The following SHANK2 variants were observed in gnomAD, a reference collection of about 807,000 sequenced individuals.
SHANK2 encodes the protein SH3 and multiple ankyrin repeat domains 2.
SHANK2 carries 43 observed loss-of-function variants against 133.7 expected under a neutral mutation model. That is an observed-to-expected ratio of 0.32 (90% CI 0.25 to 0.41). The LOEUF (loss-of-function observed/expected upper bound fraction) is 0.41, where lower values mean the gene tolerates loss of function less well. Among genes scored for constraint, SHANK2 ranks in the 10% least tolerant of loss-of-function variants. The probability of loss-of-function intolerance (pLI) is 1.00; values close to 1 mark genes in which losing one functional copy is unlikely to be tolerated. For missense variants in SHANK2, 1,994 were observed against 2,235.8 expected (o/e 0.89, Z 2.18); for synonymous variants, 1,017 against 952.8 (o/e 1.07, Z -1.24).
chr11:70,515,792 A>T (rs1322770150), intron 17 of SHANK2, among the ~76,000 whole-genome samples: 1 of 152,192 alleles, frequency 6.6e-6, no homozygotes, highest in African/African-American at 2.4e-5. Flanking sequence ...AGCCTGGGCA[A>T]CAGAGCGAGA....
chr11:71,145,080 G>A (rs1425315228), intron 3 of SHANK2, among the ~76,000 whole-genome samples: 1 of 152,142 alleles, frequency 6.6e-6, no homozygotes, highest in Non-Finnish European at 1.5e-5. Flanking sequence ...ATAGGAGAAG[G>A]AACTCCAAAA....
At chr11:70,610,758 G>C (rs1055028986) in intron 17 of SHANK2, among the ~76,000 whole-genome samples, 1 of 152,230 alleles carries the variant, frequency 6.6e-6, no homozygotes, top group African/African-American at 2.4e-5. Flanking sequence ...AGGAAAACCA[G>C]GCACCCCTGC....
intron 3 of SHANK2, among the ~76,000 whole-genome samples, chr11:71,123,273 T>C (rs1952112915): frequency 6.6e-6 from 1 of 151,964 alleles, no homozygotes; most frequent in Admixed American, 6.5e-5. Context: ...ACAAAGACAA[T>C]AAATAAGAAG....
chr11:70,669,701 T>G (rs1435062206), intron 15 of SHANK2: 4 of 152,580 alleles, frequency 2.6e-5, no homozygotes. Flanking sequence ...GTGCGGTTAA[T>G]CTCTGTTGAA....
At chr11:70,846,530 A>G (rs904792794) in intron 11 of SHANK2, among the ~76,000 whole-genome samples, 15 of 152,148 alleles carry the variant, frequency 9.9e-5, no homozygotes, top group Non-Finnish European at 5.9e-5. Context: ...CACTGGGATT[A>G]TAGACATGAG....
At chr11:71,214,316 A>T (rs1415084395) in intron 2 of SHANK2, among the ~76,000 whole-genome samples, 3 of 152,200 alleles carry the variant, frequency 2.0e-5, no homozygotes, top group Non-Finnish European at 4.4e-5. Flanking sequence ...AGCAAGGAAG[A>T]CAGTTTCCAC....
chr11:70,795,247 T>TAG (rs1947881153), intron 14 of SHANK2, among the ~76,000 whole-genome samples: 1 of 152,118 alleles, frequency 6.6e-6, no homozygotes. Flanking sequence ...GCCCAGGTCC[T>TAG]AATCCCTAGA....
intron 10 of SHANK2, among the ~76,000 whole-genome samples, chr11:70,906,290 G>A (rs1235715972): frequency 2.6e-5 from 4 of 152,218 alleles, no homozygotes; most frequent in Admixed American, 1.3e-4. Context: ...GCCATGGAGC[G>A]GGACTGTCGC....
chr11:70,557,149 C>CTCATTCAT (rs56238037), intron 17 of SHANK2, among the ~76,000 whole-genome samples: 1 of 150,794 alleles, frequency 6.6e-6, no homozygotes, highest in African/African-American at 2.4e-5. Context: ...CACTAAAAGC[C>CTCATTCAT]TCATTCATTC....
intron 10 of SHANK2, chr11:70,933,045 C>T (rs1220420830): frequency 6.8e-6 from 3 of 440,106 alleles, no homozygotes; most frequent in African/African-American, 4.0e-5. Context: ...CCCAGAGACT[C>T]CAACAGGTAT....
intron 2 of SHANK2, among the ~76,000 whole-genome samples, chr11:71,184,838 C>T (rs1404838607): frequency 6.6e-6 from 1 of 152,200 alleles, no homozygotes; most frequent in African/African-American, 2.4e-5. Flanking sequence ...CTGAATAAGA[C>T]CAAGCTGTTG....
At chr11:70,610,029 G>A (rs2060638247) in intron 17 of SHANK2, among the ~76,000 whole-genome samples, 1 of 151,646 alleles carries the variant, frequency 6.6e-6, no homozygotes, top group South Asian at 2.1e-4. Flanking sequence ...AAGCTCACTG[G>A]GGATGGCCAG....
At chr11:70,877,991 A>T (rs1046280646) in intron 11 of SHANK2, among the ~76,000 whole-genome samples, 14 of 152,380 alleles carry the variant, frequency 9.2e-5, no homozygotes, top group African/African-American at 3.4e-4. Flanking sequence ...GCCTTTGTGC[A>T]GCGTGAGTCC....
intron 14 of SHANK2, among the ~76,000 whole-genome samples, chr11:70,765,636 T>C (rs556930959): frequency 6.6e-6 from 1 of 152,306 alleles, no homozygotes; most frequent in East Asian, 1.9e-4. Flanking sequence ...TGGCAGGGTA[T>C]AGCCTCAGCA....
At chr11:70,691,795 G>A (rs1035253651) in intron 15 of SHANK2, among the ~76,000 whole-genome samples, 4 of 152,196 alleles carry the variant, frequency 2.6e-5, no homozygotes, top group African/African-American at 9.6e-5. Context: ...TCAGGAGGTT[G>A]AGGCAGGAGA....
chr11:70,642,311 C>A (rs926556771), intron 17 of SHANK2, among the ~76,000 whole-genome samples: 1 of 124,774 alleles, frequency 8.0e-6, no homozygotes, highest in Non-Finnish European at 1.6e-5. Context: ...ATTTTCCGTT[C>A]GATTCAAATT....
chr11:70,745,805 G>T (rs532755766), intron 14 of SHANK2, among the ~76,000 whole-genome samples: 1 of 152,334 alleles, frequency 6.6e-6, no homozygotes, highest in Admixed American at 6.5e-5. Flanking sequence ...GGTGGGAAAC[G>T]CATTGCTGAG....
At chr11:71,065,783 G>A (rs1951046680) in intron 9 of SHANK2, among the ~76,000 whole-genome samples, 1 of 132,672 alleles carries the variant, frequency 7.5e-6, no homozygotes, top group African/African-American at 2.9e-5. Context: ...GGGAGGAGGG[G>A]TACAGAACTC....
intron 9 of SHANK2, among the ~76,000 whole-genome samples, chr11:71,064,526 G>A (rs1951023634): frequency 6.6e-6 from 1 of 152,208 alleles, no homozygotes; most frequent in Non-Finnish European, 1.5e-5. Context: ...GGGGTTCTCA[G>A]CAGGGGAGGG....
Sources: allele counts gnomAD v4.1 joint callset (sites outside exome capture counted in the v4.1 genomes callset), GRCh38; gene constraint gnomAD v4.1.1; transcripts MANE v1.5; gene names NCBI Gene and HGNC (gene_info 2026-07-23, HGNC 2026-07-21).